GATA3: variants seen among roughly 807,000 people sequenced by gnomAD.
GATA3 encodes the protein GATA binding protein 3, also known as trans-acting T-cell-specific transcription factor GATA-3.
In GATA3, 6 loss-of-function variants were observed where a neutral mutation model predicts 36.0. The ratio of observed to expected loss-of-function variants is 0.17; its 90% confidence interval spans 0.09 to 0.33. The LOEUF is 0.33. Among genes scored for constraint, GATA3 ranks in the 10% least tolerant of loss-of-function variants. GATA3 has a pLI of 1.00. For missense variants in GATA3, 514 were observed against 610.1 expected, an observed-to-expected ratio of 0.84 and a Z score of 1.66; for synonymous variants, 326 against 273.0, an observed-to-expected ratio of 1.19 and a Z score of -1.92.
At chr10:8,049,013 G>T (rs962489664), upstream of GATA3, among the ~76,000 whole-genome samples, 3 of 152,046 alleles carry the variant, frequency 2.0e-5, no homozygotes, top group African/African-American at 7.2e-5. Flanking sequence ...CTCTCCCCAC[G>T]GCTCGCGGCT....
chr10:8,046,539 T>G (rs1832389269), intron 1 of GATA3, among the ~76,000 whole-genome samples: 1 of 152,098 alleles, frequency 6.6e-6, no homozygotes, highest in South Asian at 2.1e-4. Context: ...TAGCGGCTGC[T>G]GCCGAGAAGG....
chr10:8,055,494 C>T lies in GATA3; in HGVS notation c.-162C>T, dbSNP rs1280535727. On this transcript the variant is annotated 5_prime_UTR_variant, in exon 2 of 6. Coordinates refer to ENST00000379328, the MANE Select transcript of GATA3 (RefSeq NM_001002295.2). The surrounding 1 kb of genome is among the most constrained non-coding windows in gnomAD (Gnocchi z 5.4). ...TTTTTAAAAAACCTTCTCCTTTGCT[C>T]ACCTTTGCTTCCCAGCCTTCCCATC... 5.3e-6 allele frequency: 4 copies of T among 759,768 alleles called. No homozygotes were observed. Among genetic ancestry groups the T allele is most frequent in the South Asian group, 3.6e-5 (2 of 55,262 alleles). The allele number at this position is 759,768 out of a possible 1,614,324, so 47.1% of individuals were successfully genotyped here.
Position 8,064,232 on chromosome 10 carries a change from A to G in GATA3, c.924+94A>G, listed in dbSNP as rs1009165979. 1.1e-4 allele frequency: 171 copies of G among 1,494,436 alleles called. No homozygotes were observed. The Middle Eastern group carries it at 3.4e-3, about 30-fold the overall frequency. 92.6% of individuals were successfully genotyped at this position (1,494,436 alleles called of 1,614,324 possible). A position where few individuals can be genotyped will look rare whatever the true frequency, so the allele number is the denominator to read the frequency against. Reference sequence around the variant, plus strand: ...GGACAGCTTTCTGCAGGAAATTGACAGGATAGCCTCCAATCGTGTCAGCTG... The same window carrying G: ...GGACAGCTTTCTGCAGGAAATTGACGGGATAGCCTCCAATCGTGTCAGCTG... On this transcript the variant is annotated intron_variant, in intron 4 of 5. Coordinates refer to ENST00000379328, the MANE Select transcript of GATA3 (RefSeq NM_001002295.2).
At position 8,058,628 on chromosome 10, in the gene GATA3, C is replaced by A. The variant is rs749205855; in HGVS notation, c.565C>A (p.Pro189Thr). The change falls in exon 3 of 6, where the codon CCC (proline) becomes ACC (threonine). Residue 189 changes from proline to threonine, a missense_variant. Pro to Thr is a conservative substitution (Grantham distance 38). Around this residue, in one of 3 missense-constraint regions of GATA3, gnomAD observed 381 missense variants for 354.3 expected, o/e 1.08. Coordinates refer to ENST00000379328, the MANE Select transcript of GATA3 (RefSeq NM_001002295.2). ...DEKECLKYQV[P>T]LPDSMKLESS... is the part of the protein sequence containing the mutation. ...GAAAGAGTGCCTCAAGTACCAGGTGCCCCTGCCCGACAGCATGAAGCTGGA... is the reference window on the plus strand; with the variant it reads ...GAAAGAGTGCCTCAAGTACCAGGTGACCCTGCCCGACAGCATGAAGCTGGA... 4 of 1,612,568 alleles carry A rather than the reference C, an allele frequency of 2.5e-6. No individual in the cohort carries two copies. The highest frequency in any genetic ancestry group is 1.1e-5 in the South Asian group (1 of 91,080).
intron 4 of GATA3, 31 bp downstream of exon 4, chr10:8,064,169 C>A (rs1168238324): frequency 6.2e-7 from 1 of 1,613,846 alleles, no homozygotes; most frequent in Non-Finnish European, 8.5e-7. Flanking sequence ...GGATTCCATG[C>A]TGACCATTCT....
intron 4 of GATA3, among the ~76,000 whole-genome samples, chr10:8,065,594 T>C (rs1450441733): frequency 6.6e-6 from 1 of 152,018 alleles, no homozygotes; most frequent in Non-Finnish European, 1.5e-5. Context: ...AATGTCCACA[T>C]GACTTTAATC....
upstream of GATA3, chr10:8,050,908 C>T (rs1242550207): frequency 2.1e-6 from 1 of 478,714 alleles, no homozygotes; most frequent in Non-Finnish European, 4.2e-6. Context: ...TTACCCAGGT[C>T]GGGCAGCGCG....
chr10:8,051,152 G>T (rs1350445286), upstream of GATA3: 1 of 503,988 alleles, frequency 2.0e-6, no homozygotes, highest in Admixed American at 2.1e-5. Flanking sequence ...GCCCCTGGGA[G>T]GGCGGGTGGG....
chr10:8,050,094 C>T (rs1271653672), upstream of GATA3, among the ~76,000 whole-genome samples: 2 of 152,200 alleles, frequency 1.3e-5, no homozygotes, highest in African/African-American at 4.8e-5. Context: ...ATTCCCACAC[C>T]GAAGGCAAAG....
rs1025173241 is a variant in GATA3 at position 8,074,805 on chromosome 10, A to G, written c.*782A>G. The G allele has an allele frequency of 1.3e-5, 3 of 233,678 alleles. No homozygotes were observed. Among genetic ancestry groups the G allele is most frequent in the Admixed American group, 1.1e-4 (2 of 17,790 alleles). The allele number at this position is 233,678 out of a possible 1,614,324, so 14.5% of individuals were successfully genotyped here. A position where few individuals can be genotyped will look rare whatever the true frequency, so the allele number is the denominator to read the frequency against. ...ATAAATTTATTTACTGCTAGTCTTAAGAACTGCTTTCTTTCGTTTGTTTGT... is the reference window on the plus strand; with the variant it reads ...ATAAATTTATTTACTGCTAGTCTTAGGAACTGCTTTCTTTCGTTTGTTTGT... On this transcript the variant is annotated 3_prime_UTR_variant, in exon 6 of 6. Transcript: ENST00000379328.
At chr10:8,051,116 C>T (rs12782941), upstream of GATA3, 14,620 of 525,892 alleles carry the variant, frequency 0.028, 308 homozygotes, top group South Asian at 0.057. Context: ...TGGGTTTCCC[C>T]ACTTCCACTG....
chr10:8,067,543 G>C (rs976986626), intron 4 of GATA3, among the ~76,000 whole-genome samples: 1 of 152,184 alleles, frequency 6.6e-6, no homozygotes, highest in Non-Finnish European at 1.5e-5. Flanking sequence ...CCCAGGCCGG[G>C]TGCGGTGGCT....
At chr10:8,051,134 GTCTCTTCGCCCCTGGGAGGGC>G, upstream of GATA3, 4 of 505,300 alleles carry the variant, frequency 7.9e-6, no homozygotes, top group Non-Finnish European at 1.2e-5. Flanking sequence ...CTGGGACAGG[GTCTCTTCGCCCCTGGGAGGGC>G]GGGTGGGAGG....
intron 3 of GATA3, among the ~76,000 whole-genome samples, chr10:8,059,048 G>C (rs957638927): frequency 6.6e-6 from 1 of 152,164 alleles, no homozygotes; most frequent in Non-Finnish European, 1.5e-5. Flanking sequence ...GGGGAAGTGG[G>C]ATCTGATTTA....
chr10:8,060,330 G>A (rs1832726725), intron 3 of GATA3, among the ~76,000 whole-genome samples: 1 of 152,174 alleles, frequency 6.6e-6, no homozygotes, highest in South Asian at 2.1e-4. Context: ...AGGCAGGCTA[G>A]CTGGTGGAGT....
At chr10:8,066,686 C>T (rs1832849364) in intron 4 of GATA3, among the ~76,000 whole-genome samples, 1 of 152,124 alleles carries the variant, frequency 6.6e-6, no homozygotes, top group Admixed American at 6.5e-5. Context: ...GAAGGGAAGA[C>T]TCATAGATTC....
chr10:8,060,991 G>A (rs146072019), intron 3 of GATA3, among the ~76,000 whole-genome samples: 158 of 152,174 alleles, frequency 1.0e-3, no homozygotes, highest in East Asian at 6.6e-3. Flanking sequence ...GGGAAGTTTC[G>A]AGAAGCCCCT....
chr10:8,049,490 C>T (rs1048142458), upstream of GATA3, among the ~76,000 whole-genome samples: 1 of 152,226 alleles, frequency 6.6e-6, no homozygotes, highest in Non-Finnish European at 1.5e-5. Context: ...AACGGGGGCC[C>T]GAGTGGCAGA....
chr10:8,068,812 A>C (rs1307980622), intron 4 of GATA3, among the ~76,000 whole-genome samples: 1 of 152,232 alleles, frequency 6.6e-6, no homozygotes, highest in Non-Finnish European at 1.5e-5. Context: ...TTGACCTAGG[A>C]TGTCCTACTT....
Sources: allele counts gnomAD v4.1 joint callset (sites outside exome capture counted in the v4.1 genomes callset), GRCh38; gene constraint gnomAD v4.1.1; regional missense constraint gnomAD v4.1.1; non-coding constraint Gnocchi (gnomAD v3.1); transcripts MANE v1.5; gene names NCBI Gene and HGNC (gene_info 2026-07-23, HGNC 2026-07-21).